GHR: variants seen among roughly 807,000 people sequenced by gnomAD.
The protein encoded by GHR is GH receptor.
A neutral mutation model predicts 67.1 loss-of-function variants in GHR; 35 were observed. The observed-to-expected ratio is 0.52, with a 90% confidence interval of 0.40 to 0.69. The LOEUF is 0.69. Ranked by LOEUF, GHR falls within the 30% of genes least tolerant of loss-of-function variation. The probability of loss-of-function intolerance (pLI) is 0.00; values close to 1 mark genes in which losing one functional copy is unlikely to be tolerated. For missense variants in GHR, 792 were observed against 764.6 expected (o/e 1.04, Z -0.42); for synonymous variants, 272 against 269.1 (o/e 1.01, Z -0.10).
intron 1 of GHR, among the ~76,000 whole-genome samples, chr5:42,480,807 A>G (rs1745593756): frequency 6.6e-6 from 1 of 152,168 alleles, no homozygotes; most frequent in Non-Finnish European, 1.5e-5. Flanking sequence ...GGTTTCCTTA[A>G]TACAGCACGC....
intron 1 of GHR, among the ~76,000 whole-genome samples, chr5:42,452,759 A>G (rs1435904605): frequency 6.6e-6 from 1 of 151,950 alleles, no homozygotes. Context: ...GTTTTTCTTT[A>G]TGATATCTAT....
In GHR at chr5:42,617,068, G is replaced by A. The variant is rs535091792; in HGVS notation, c.71-11970G>A. Among the ~76,000 whole-genome samples the A allele has an allele frequency of 1.5e-4, 23 of 152,000 alleles. 1 individual carries two copies. Among genetic ancestry groups the A allele is most frequent in the Admixed American group, 1.0e-3 (16 of 15,252 alleles). ...GAATGGAAAGGAAATTCCTGGGAGC[G>A]CAACCCCTAAGAAGCCAAAAATAGA... is the stretch of plus-strand genomic sequence containing the variant. On this transcript the variant is annotated intron_variant, in intron 2 of 9. Transcript: ENST00000230882.
At position 42,688,875 on chromosome 5, in the gene GHR, CT is replaced by C. The variant is rs773133317; in HGVS notation, c.137-10del. 44 of 1,613,124 alleles carry C rather than the reference CT, an allele frequency of 2.7e-5. No homozygotes were observed. The highest frequency in any genetic ancestry group is 3.6e-5 in the Non-Finnish European group (42 of 1,179,234). ...CACCTGATTTCATGCCTTGCCTTTTCTTTTTATTCTGCAGATTCTTCTAAGG... is the reference window on the plus strand; with the variant it reads ...CACCTGATTTCATGCCTTGCCTTTTCTTTTATTCTGCAGATTCTTCTAAGG... On this transcript the variant is annotated splice_polypyrimidine_tract_variant and intron_variant, in intron 3 of 9. Coordinates refer to ENST00000230882, the MANE Select transcript of GHR (RefSeq NM_000163.5).
intron 1 of GHR, among the ~76,000 whole-genome samples, chr5:42,523,762 T>C (rs1747578201): frequency 6.6e-6 from 1 of 152,168 alleles, no homozygotes; most frequent in Admixed American, 6.5e-5. Context: ...TTGAATTGTA[T>C]TTCCCAGAAT....
intron 1 of GHR, among the ~76,000 whole-genome samples, chr5:42,459,279 T>C (rs1309270693): frequency 6.6e-6 from 1 of 152,086 alleles, no homozygotes; most frequent in Non-Finnish European, 1.5e-5. Flanking sequence ...CCTTCAATAG[T>C]AGACTGGATA....
At chr5:42,468,314 C>A in intron 1 of GHR, 2 of 1,569,210 alleles carry the variant, frequency 1.3e-6, no homozygotes, top group Admixed American at 1.7e-5. Context: ...TCTCTCAATT[C>A]TGCAGTCATC....
intron 1 of GHR, among the ~76,000 whole-genome samples, chr5:42,507,544 A>G (rs1034352888): frequency 1.3e-5 from 2 of 152,242 alleles, no homozygotes; most frequent in African/African-American, 2.4e-5. Flanking sequence ...AATGGTGTAC[A>G]TCAGTCAGGT....
chr5:42,562,231 G>A (rs1749648213), intron 1 of GHR, among the ~76,000 whole-genome samples: 1 of 152,160 alleles, frequency 6.6e-6, no homozygotes, highest in African/African-American at 2.4e-5. Context: ...CCAATTGAAT[G>A]TCACGTCTCG....
At chr5:42,641,282 A>G (rs1448590726) in intron 3 of GHR, among the ~76,000 whole-genome samples, 1 of 152,170 alleles carries the variant, frequency 6.6e-6, no homozygotes, top group Non-Finnish European at 1.5e-5. Context: ...TCTAAGCTTT[A>G]TAACACTTAC....
intron 1 of GHR, among the ~76,000 whole-genome samples, chr5:42,435,576 C>A (rs1743289579): frequency 1.3e-5 from 2 of 152,112 alleles, no homozygotes; most frequent in Non-Finnish European, 2.9e-5. Flanking sequence ...TTTTAGAGGT[C>A]CTGTATATTC....
At chr5:42,643,124 T>C (rs746984507) in intron 3 of GHR, among the ~76,000 whole-genome samples, 2 of 152,130 alleles carry the variant, frequency 1.3e-5, no homozygotes, top group Non-Finnish European at 2.9e-5. Context: ...GTTCAACCCA[T>C]TACACATATG....
chr5:42,582,332 G>C (rs1313708623), intron 2 of GHR, among the ~76,000 whole-genome samples: 1 of 152,198 alleles, frequency 6.6e-6, no homozygotes, highest in African/African-American at 2.4e-5. Context: ...AACTTATGGT[G>C]CTTTATCCAG....
chr5:42,577,297 C>T (rs1750803527), intron 2 of GHR, among the ~76,000 whole-genome samples: 1 of 152,150 alleles, frequency 6.6e-6, no homozygotes, highest in South Asian at 2.1e-4. Flanking sequence ...TCCTAAGGTT[C>T]CTTTCTTCCT....
intron 3 of GHR, among the ~76,000 whole-genome samples, chr5:42,631,296 C>T (rs1753916886): frequency 6.6e-6 from 1 of 152,178 alleles, no homozygotes; most frequent in Non-Finnish European, 1.5e-5. Flanking sequence ...TGGTAAGTCA[C>T]ATAGATACTG....
At chr5:42,677,856 A>T (rs1284964184) in intron 3 of GHR, among the ~76,000 whole-genome samples, 7 of 152,196 alleles carry the variant, frequency 4.6e-5, no homozygotes, top group Non-Finnish European at 1.0e-4. Flanking sequence ...TAGTACCGAT[A>T]TACTTATAAT....
chr5:42,667,570 G>C (rs1580163098), intron 3 of GHR, among the ~76,000 whole-genome samples: 1 of 152,254 alleles, frequency 6.6e-6, no homozygotes, highest in East Asian at 1.9e-4. Context: ...TAAACCTGTG[G>C]AAGGTATTTT....
At chr5:42,664,449 A>G (rs1391910440) in intron 3 of GHR, among the ~76,000 whole-genome samples, 1 of 152,232 alleles carries the variant, frequency 6.6e-6, no homozygotes, top group South Asian at 2.1e-4. Flanking sequence ...GCATGTCTAC[A>G]ACTATCTGAT....
chr5:42,719,240 G>T lies in GHR; in HGVS notation c.1733G>T (p.Arg578Met). The T allele has an allele frequency of 6.2e-7, 1 of 1,613,980 alleles. No homozygotes were observed. Among genetic ancestry groups the T allele is most frequent in the Non-Finnish European group, 8.5e-7 (1 of 1,179,892 alleles). ...TTESLTTAAG[R>M]PGTGEHVPGS... ...GAAAGCCTTACCACTGCTGCTGGGA[G>T]GCCTGGGACAGGAGAACATGTTCCA... Residue 578 changes from arginine to methionine, a missense_variant, in exon 10 of 10, where the codon AGG becomes ATG. Arg to Met is a moderately conservative substitution (Grantham distance 91, BLOSUM62 -1). Coordinates refer to ENST00000230882, the MANE Select transcript of GHR (RefSeq NM_000163.5).
rs141421535 is a variant in GHR at position 42,599,059 on chromosome 5, A to G, written c.71-29979A>G. ...CTTTTGGTTACTTGATTTTGTAGTT[A>G]GAAAAAAAGTATAAAGTTGAAATAT... is the stretch of plus-strand genomic sequence containing the variant. On this transcript the variant is annotated intron_variant, in intron 2 of 9. Transcript: ENST00000230882. Among the ~76,000 whole-genome samples the G allele has an allele frequency of 3.6e-3, 547 of 152,352 alleles. 2 individuals carry two copies. Among genetic ancestry groups the G allele is most frequent in the African/African-American group, 0.013 (534 of 41,586 alleles).
Sources: allele counts gnomAD v4.1 joint callset (sites outside exome capture counted in the v4.1 genomes callset), GRCh38; gene constraint gnomAD v4.1.1; transcripts MANE v1.5; gene names NCBI Gene and HGNC (gene_info 2026-07-23, HGNC 2026-07-21).